KHDRBS2: variants seen among roughly 807,000 people sequenced by gnomAD.
KHDRBS2 encodes KH RNA binding domain containing, signal transduction associated 2.
In KHDRBS2, 26 loss-of-function variants were observed where a neutral mutation model predicts 44.3. The ratio of observed to expected loss-of-function variants is 0.59; its 90% CI spans 0.43 to 0.81. KHDRBS2 has a LOEUF of 0.81. KHDRBS2 is among the 40% of genes least tolerant of loss of function. The pLI, the probability that KHDRBS2 is intolerant of heterozygous loss-of-function variation, is 0.00. For missense variants in KHDRBS2, 476 were observed against 433.1 expected (o/e 1.10, Z -0.88); for synonymous variants, 194 against 151.1 (o/e 1.28, Z -2.08).
intron 4 of KHDRBS2, among the ~76,000 whole-genome samples, chr6:61,918,412 C>T (rs1583503393): frequency 6.6e-6 from 1 of 151,804 alleles, no homozygotes; most frequent in Non-Finnish European, 1.5e-5. Flanking sequence ...GGAGGTGGGG[C>T]CTTTGAGAGG....
downstream of KHDRBS2, among the ~76,000 whole-genome samples, chr6:61,675,536 GTA>G (rs1157372826): frequency 1.3e-5 from 2 of 151,602 alleles, no homozygotes; most frequent in African/African-American, 4.8e-5. Flanking sequence ...CATTAATACT[GTA>G]TACTAAAAGT....
intron 1 of KHDRBS2, among the ~76,000 whole-genome samples, chr6:62,197,182 G>T (rs1320736925): frequency 6.6e-6 from 1 of 152,056 alleles, no homozygotes; most frequent in Non-Finnish European, 1.5e-5. Flanking sequence ...TTAAATTATA[G>T]TAAATGAATT....
intron 6 of KHDRBS2, among the ~76,000 whole-genome samples, chr6:61,854,316 T>C (rs1158747385): frequency 6.6e-6 from 1 of 152,130 alleles, no homozygotes; most frequent in African/African-American, 2.4e-5. Flanking sequence ...ATGCCTTTTA[T>C]AACTTAACTA....
chr6:62,060,784 T>A (rs1207541036), intron 2 of KHDRBS2, among the ~76,000 whole-genome samples: 1 of 151,844 alleles, frequency 6.6e-6, no homozygotes, highest in Non-Finnish European at 1.5e-5. Context: ...AAAGTACACA[T>A]AGTTGGAGAA....
chr6:61,985,240 A>G lies in KHDRBS2; in HGVS notation c.337-7028T>C, dbSNP rs554715139. ...TAAAGACTGGAAACTTTTTAGTAATATGGGTTAGCCTCAACTGCCATGATT... is the reference window on the plus strand; with the variant it reads ...TAAAGACTGGAAACTTTTTAGTAATGTGGGTTAGCCTCAACTGCCATGATT... On this transcript the variant is annotated intron_variant, in intron 3 of 8. Transcript: ENST00000281156. 3.0e-3 allele frequency among the ~76,000 whole-genome samples: 453 copies of G among 152,304 alleles called. 1 individual carries two copies. Among genetic ancestry groups the G allele is most frequent in the Non-Finnish European group, 4.7e-3 (320 of 68,030 alleles).
intron 6 of KHDRBS2, among the ~76,000 whole-genome samples, chr6:61,790,531 T>C (rs1005310982): frequency 6.6e-6 from 1 of 151,528 alleles, no homozygotes; most frequent in African/African-American, 2.4e-5. Context: ...TCAAAATAAC[T>C]AAGTTAAAGA....
chr6:62,016,976 C>A lies in KHDRBS2; in HGVS notation c.336+30902G>T, dbSNP rs369510563. Among the ~76,000 whole-genome samples, 25 of 152,138 alleles carry A rather than the reference C, an allele frequency of 1.6e-4. 1 individual carries two copies. The highest frequency in any genetic ancestry group is 6.0e-4 in the African/African-American group (25 of 41,524). ...ATTCAGCAAATCAAAACAAAATAAT[C>A]AAGTGAAAAGAAATGCCCTGTATTG... On this transcript the variant is annotated intron_variant, in intron 3 of 8. Coordinates refer to ENST00000281156, the MANE Select transcript of KHDRBS2 (RefSeq NM_152688.4).
intron 3 of KHDRBS2, among the ~76,000 whole-genome samples, chr6:62,040,754 T>C (rs1268554752): frequency 9.9e-5 from 15 of 152,030 alleles, no homozygotes; most frequent in Admixed American, 9.2e-4. Context: ...CTCTAAGACA[T>C]AGTGTTTCTG....
chr6:61,640,701 G>T, the KHDRBS2 span, among the ~76,000 whole-genome samples: 120 of 152,226 alleles, frequency 7.9e-4, 4 homozygotes, highest in South Asian at 0.022. Flanking sequence ...AAAAGACAGA[G>T]CACTTCTTTT....
chr6:61,751,949 G>A (rs1054805383), intron 6 of KHDRBS2, among the ~76,000 whole-genome samples: 1 of 151,898 alleles, frequency 6.6e-6, no homozygotes, highest in African/African-American at 2.4e-5. Flanking sequence ...TTCTCTGTGT[G>A]TGTGTGTGTG....
At chr6:61,621,490 A>G in the KHDRBS2 span, among the ~76,000 whole-genome samples, 1 of 152,176 alleles carries the variant, frequency 6.6e-6, no homozygotes, top group Non-Finnish European at 1.5e-5. Flanking sequence ...GTAGCAGGCT[A>G]AAGGTCCCAC....
chr6:62,251,468 A>G (rs1057303797), intron 1 of KHDRBS2, among the ~76,000 whole-genome samples: 1 of 152,020 alleles, frequency 6.6e-6, no homozygotes, highest in Non-Finnish European at 1.5e-5. Flanking sequence ...AATGTGGAAC[A>G]GAGAGGTTAA....
At chr6:61,768,391 A>T (rs1179232215) in intron 6 of KHDRBS2, among the ~76,000 whole-genome samples, 2 of 152,034 alleles carry the variant, frequency 1.3e-5, no homozygotes, top group African/African-American at 2.4e-5. Context: ...AAATATTGAT[A>T]TATTTCTCCA....
At chr6:61,935,562 G>T (rs1473607611) in intron 4 of KHDRBS2, among the ~76,000 whole-genome samples, 1 of 152,018 alleles carries the variant, frequency 6.6e-6, no homozygotes, top group African/African-American at 2.4e-5. Flanking sequence ...AATTATCTGA[G>T]GTTTTACAAT....
chr6:62,277,061 G>A (rs1191923129), intron 1 of KHDRBS2, among the ~76,000 whole-genome samples: 1 of 152,156 alleles, frequency 6.6e-6, no homozygotes, highest in African/African-American at 2.4e-5. Flanking sequence ...TAAATGTTGA[G>A]ATGATGATAA....
At chr6:61,599,935 G>A in the KHDRBS2 span, among the ~76,000 whole-genome samples, 1 of 152,132 alleles carries the variant, frequency 6.6e-6, no homozygotes, top group Non-Finnish European at 1.5e-5. Flanking sequence ...TACGACAAAT[G>A]ACACAGAAAG....
chr6:61,910,101 A>G (rs1805783862), intron 4 of KHDRBS2, among the ~76,000 whole-genome samples: 1 of 152,224 alleles, frequency 6.6e-6, no homozygotes, highest in South Asian at 2.1e-4. Flanking sequence ...TTTTACCGGA[A>G]TAGTAAAGAA....
chr6:61,954,439 A>G (rs1157249140), intron 4 of KHDRBS2, among the ~76,000 whole-genome samples: 5 of 143,004 alleles, frequency 3.5e-5, no homozygotes, highest in Admixed American at 2.1e-4. Flanking sequence ...ATGCATGCAT[A>G]CATATATACG....
At chr6:61,917,062 T>C (rs945105207) in intron 4 of KHDRBS2, among the ~76,000 whole-genome samples, 1 of 144,608 alleles carries the variant, frequency 6.9e-6, no homozygotes, top group Non-Finnish European at 1.5e-5. Context: ...CTAAACATAC[T>C]CTTACCATAT....
Sources: allele counts gnomAD v4.1 joint callset (sites outside exome capture counted in the v4.1 genomes callset), GRCh38; gene constraint gnomAD v4.1.1; transcripts MANE v1.5; gene names NCBI Gene and HGNC (gene_info 2026-07-23, HGNC 2026-07-21).